Variants in SH3RF3 observed in about 807,000 individuals in gnomAD.
SH3RF3 encodes the protein E3 ubiquitin-protein ligase SH3RF3.
In SH3RF3, 29 loss-of-function variants were observed where a neutral mutation model predicts 66.3. That is an observed-to-expected ratio of 0.44 (90% confidence interval 0.33 to 0.60). The LOEUF is 0.60. SH3RF3 is among the 20% of genes least tolerant of loss of function. SH3RF3 has a pLI of 0.04. For missense variants in SH3RF3, 1,194 were observed against 1,190.9 expected (o/e 1.00, Z -0.04); for synonymous variants, 583 against 532.0 (o/e 1.10, Z -1.32).
chr2:109,242,065 C>T (rs887423794), intron 1 of SH3RF3, among the ~76,000 whole-genome samples: 3 of 151,484 alleles, frequency 2.0e-5, no homozygotes, highest in African/African-American at 4.9e-5. Flanking sequence ...CTGGTGTAGA[C>T]GGGGGTGTCA....
intron 2 of SH3RF3, among the ~76,000 whole-genome samples, chr2:109,352,049 C>A (rs1682849939): frequency 6.6e-6 from 1 of 152,158 alleles, no homozygotes; most frequent in Non-Finnish European, 1.5e-5. Flanking sequence ...CAAATCATGG[C>A]ACGTTTCTTT....
intron 9 of SH3RF3, among the ~76,000 whole-genome samples, chr2:109,499,848 A>G (rs372579398): frequency 3.3e-4 from 50 of 152,322 alleles, no homozygotes; most frequent in African/African-American, 1.2e-3. Context: ...AATCGGCAAC[A>G]TAACTGACAT....
In SH3RF3 at chr2:109,504,175, G is replaced by A. The variant is rs1031781371; in HGVS notation, c.*2504G>A. 2.0e-5 allele frequency: 3 copies of A among 152,210 alleles called. No homozygotes were observed. The highest frequency in any genetic ancestry group is 1.9e-4 in the East Asian group (1 of 5,202). 9.4% of individuals were successfully genotyped at this position (152,210 alleles called of 1,614,324 possible). ...TTCTTCAGGCCATCTTGCCTCAAAG[G>A]GTACACATGTTTGGCGGTTAAGATG... On this transcript the variant is annotated 3_prime_UTR_variant, in exon 10 of 10. Transcript: ENST00000309415.
intron 1 of SH3RF3, among the ~76,000 whole-genome samples, chr2:109,196,718 C>T (rs1421355404): frequency 6.6e-6 from 1 of 152,144 alleles, no homozygotes; most frequent in Non-Finnish European, 1.5e-5. Context: ...TGTGCCTCCT[C>T]CCGGAGGAGG....
At chr2:109,391,983 A>G (rs2104415474) in intron 3 of SH3RF3, among the ~76,000 whole-genome samples, 1 of 152,132 alleles carries the variant, frequency 6.6e-6, no homozygotes, top group Non-Finnish European at 1.5e-5. Context: ...ACGCCCAGCT[A>G]ATTTTAATTT....
chr2:109,352,225 C>G (rs1002206344), intron 2 of SH3RF3, among the ~76,000 whole-genome samples: 1 of 152,220 alleles, frequency 6.6e-6, no homozygotes, highest in African/African-American at 2.4e-5. Context: ...CTTCCTGTCT[C>G]AGGAAAAGTT....
At chr2:109,228,207 G>A (rs895930338) in intron 1 of SH3RF3, among the ~76,000 whole-genome samples, 9 of 152,062 alleles carry the variant, frequency 5.9e-5, no homozygotes, top group African/African-American at 1.9e-4. Flanking sequence ...AAATTCAATC[G>A]GCAGCCCTCC....
At chr2:109,399,948 C>T (rs530700802) in intron 4 of SH3RF3, among the ~76,000 whole-genome samples, 4 of 152,330 alleles carry the variant, frequency 2.6e-5, no homozygotes, top group Admixed American at 2.6e-4. Flanking sequence ...TTCCACCCAG[C>T]GGCCCACCCG....
rs766362764 is a variant in SH3RF3 at position 109,432,663 on chromosome 2, C to A, written c.1566C>A (p.Pro522=). The change falls in exon 6 of 10, where the codon CCC becomes CCA. Residue 522 remains proline (P), a synonymous_variant. Coordinates refer to ENST00000309415, the MANE Select transcript of SH3RF3 (RefSeq NM_001099289.3). ...TGTTCCCCGGAAACTACGTGACACC[C>A]GTTTCCAGGTGAGGGCATGGTGGTG... The part of the protein sequence containing the change: ...SGVFPGNYVT[P]VSRVPAGGAG... The A allele has an allele frequency of 6.2e-7, 1 of 1,611,438 alleles. No individual in the cohort carries two copies. The highest frequency in any genetic ancestry group is 1.1e-5 in the South Asian group (1 of 90,424).
At chr2:109,239,917 G>A (rs1679739479) in intron 1 of SH3RF3, among the ~76,000 whole-genome samples, 1 of 152,226 alleles carries the variant, frequency 6.6e-6, no homozygotes, top group South Asian at 2.1e-4. Flanking sequence ...ATCACTGGCA[G>A]CCAGGCGGAG....
intron 1 of SH3RF3, among the ~76,000 whole-genome samples, chr2:109,183,991 C>T (rs547621905): frequency 6.6e-6 from 1 of 152,324 alleles, no homozygotes; most frequent in African/African-American, 2.4e-5. Flanking sequence ...TAGAATGGAG[C>T]CCTGTGGTCC....
At chr2:109,450,975 G>T (rs542863433) in intron 8 of SH3RF3, among the ~76,000 whole-genome samples, 212 of 152,306 alleles carry the variant, frequency 1.4e-3, no homozygotes, top group African/African-American at 4.3e-3. Flanking sequence ...CAAACCCAGC[G>T]CTGACTCGGC....
At chr2:109,323,494 A>G (rs1335735559) in intron 1 of SH3RF3, among the ~76,000 whole-genome samples, 1 of 152,202 alleles carries the variant, frequency 6.6e-6, no homozygotes, top group Non-Finnish European at 1.5e-5. Flanking sequence ...TCTGTTAGTG[A>G]TTGGTAGCAT....
At chr2:109,379,477 A>T (rs1017978461) in intron 3 of SH3RF3, among the ~76,000 whole-genome samples, 1 of 152,180 alleles carries the variant, frequency 6.6e-6, no homozygotes, top group Non-Finnish European at 1.5e-5. Flanking sequence ...CTGCTGACAG[A>T]TGTGGCCGCT....
chr2:109,428,127 A>G (rs886966899), intron 5 of SH3RF3, among the ~76,000 whole-genome samples: 3 of 152,192 alleles, frequency 2.0e-5, no homozygotes, highest in African/African-American at 7.2e-5. Context: ...GGTGAGGAGG[A>G]AGCACACGCC....
intron 2 of SH3RF3, among the ~76,000 whole-genome samples, chr2:109,352,110 T>C (rs1682851082): frequency 6.6e-6 from 1 of 152,214 alleles, no homozygotes; most frequent in Non-Finnish European, 1.5e-5. Flanking sequence ...TTGCTTTTTT[T>C]AACTTTAAAT....
intron 1 of SH3RF3, among the ~76,000 whole-genome samples, chr2:109,205,375 A>G (rs1678787339): frequency 6.6e-6 from 1 of 151,776 alleles, no homozygotes; most frequent in Non-Finnish European, 1.5e-5. Flanking sequence ...AGCTGGGACT[A>G]CAGGCATGCA....
intron 4 of SH3RF3, among the ~76,000 whole-genome samples, chr2:109,418,266 C>T (rs1274866338): frequency 6.6e-6 from 1 of 152,140 alleles, no homozygotes; most frequent in African/African-American, 2.4e-5. Flanking sequence ...GAGGTGGACC[C>T]CTTCCTCCTC....
chr2:109,334,580 G>A (rs1264096803), intron 1 of SH3RF3, among the ~76,000 whole-genome samples: 1 of 152,118 alleles, frequency 6.6e-6, no homozygotes, highest in Non-Finnish European at 1.5e-5. Context: ...TGCCAGGGAT[G>A]GAGTGAGGCA....
Sources: gnomAD v4.1 joint callset for allele counts (sites outside exome capture counted in the v4.1 genomes callset) on GRCh38, gnomAD v4.1.1 for gene constraint, MANE v1.5 for transcripts, NCBI Gene and HGNC (gene_info 2026-07-23, HGNC 2026-07-21) for gene names.